Variants in RLN2 observed in about 807,000 individuals in gnomAD.
RLN2 encodes the protein relaxin 2.
A neutral mutation model predicts 7.3 loss-of-function variants in RLN2; 10 were observed. That is an observed-to-expected ratio of 1.36 (90% CI 0.84 to 2.31). RLN2 has a LOEUF of 2.31. Ranked by LOEUF, RLN2 falls within the 30% of genes most tolerant of loss-of-function variation. RLN2 has a pLI of 0.00. For missense variants in RLN2, 298 were observed against 217.6 expected, an observed-to-expected ratio of 1.37 and a Z score of -2.32; for synonymous variants, 103 against 82.3, an observed-to-expected ratio of 1.25 and a Z score of -1.36.
chr9:5,324,366 T>A, the RLN2 span, among the ~76,000 whole-genome samples: 2 of 152,018 alleles, frequency 1.3e-5, no homozygotes, highest in Non-Finnish European at 2.9e-5. Flanking sequence ...GGCTTCAAAT[T>A]GTGGGGTGCA....
At chr9:5,324,793 C>T in the RLN2 span, among the ~76,000 whole-genome samples, 1 of 152,096 alleles carries the variant, frequency 6.6e-6, no homozygotes, top group East Asian at 1.9e-4. Flanking sequence ...GTGTAATAAG[C>T]ATGGAATAAG....
upstream of RLN2, among the ~76,000 whole-genome samples, chr9:5,306,197 T>C (rs1291896885): frequency 3.5e-5 from 5 of 144,480 alleles, no homozygotes; most frequent in Admixed American, 7.0e-5. Context: ...AACCTCCACC[T>C]CCCAGGTTCA....
At chr9:5,308,562 A>G (rs1250560786), upstream of RLN2, among the ~76,000 whole-genome samples, 1 of 152,044 alleles carries the variant, frequency 6.6e-6, no homozygotes, top group Non-Finnish European at 1.5e-5. Flanking sequence ...CATTGCCACA[A>G]TCACATATGG....
At chr9:5,335,977 C>T in the RLN2 span, among the ~76,000 whole-genome samples, 3 of 152,024 alleles carry the variant, frequency 2.0e-5, no homozygotes, top group East Asian at 1.9e-4. Context: ...TTACTTAACT[C>T]GTTTTCTTCC....
In RLN2 at chr9:5,300,197, C is replaced by T. The variant is rs199856885; in HGVS notation, c.459G>A (p.Leu153=). ...SSPSELKYLG[L]DTHSRKKRQL... Reference sequence around the variant, plus strand: ...GTCTCTTTTTTCGAGAATGAGTATCCAAGCCTAAGTATTTTAATTCTGAAG... The same window carrying T: ...GTCTCTTTTTTCGAGAATGAGTATCTAAGCCTAAGTATTTTAATTCTGAAG... The change falls in exon 2 of 2, where the codon TTG becomes TTA. Residue 153 remains leucine, a synonymous_variant. Transcript: ENST00000381627. The T allele has an allele frequency of 8.9e-5, 144 of 1,613,904 alleles. No homozygotes were observed. The East Asian group carries it at 1.6e-3, about 18-fold the overall frequency.
At chr9:5,311,523 G>A in the RLN2 span, 5 of 723,824 alleles carry the variant, frequency 6.9e-6, no homozygotes, top group East Asian at 7.6e-5. Flanking sequence ...AAGATCATGA[G>A]GTTGTCTACT....
At chr9:5,305,920 G>A (rs1816239212), upstream of RLN2, among the ~76,000 whole-genome samples, 1 of 151,914 alleles carries the variant, frequency 6.6e-6, no homozygotes, top group Admixed American at 6.6e-5. Flanking sequence ...ATGGTCAGAT[G>A]CAATCAATGC....
chr9:5,333,823 A>G, the RLN2 span, among the ~76,000 whole-genome samples: 1 of 152,012 alleles, frequency 6.6e-6, no homozygotes, highest in Non-Finnish European at 1.5e-5. Context: ...TATCCACCCC[A>G]ATCAAGACGG....
the RLN2 span, among the ~76,000 whole-genome samples, chr9:5,320,120 G>C: frequency 6.6e-6 from 1 of 151,414 alleles, no homozygotes; most frequent in South Asian, 2.1e-4. Flanking sequence ...CAAGTAGTAA[G>C]GATTACAGGC....
At chr9:5,332,094 T>C in the RLN2 span, among the ~76,000 whole-genome samples, 6 of 151,930 alleles carry the variant, frequency 3.9e-5, no homozygotes, top group Non-Finnish European at 7.4e-5. Flanking sequence ...TATATTGAAA[T>C]AATATTAAGT....
the RLN2 span, among the ~76,000 whole-genome samples, chr9:5,312,520 C>T: frequency 6.6e-6 from 1 of 152,074 alleles, no homozygotes; most frequent in Non-Finnish European, 1.5e-5. Flanking sequence ...TGTCAACCCT[C>T]ACTTTAAACT....
chr9:5,333,312 A>G, the RLN2 span, among the ~76,000 whole-genome samples: 1 of 151,982 alleles, frequency 6.6e-6, no homozygotes, highest in African/African-American at 2.4e-5. Flanking sequence ...GAAGATTCAA[A>G]TAAACACAAT....
chr9:5,319,887 C>T, the RLN2 span, among the ~76,000 whole-genome samples: 1 of 151,782 alleles, frequency 6.6e-6, no homozygotes, highest in Non-Finnish European at 1.5e-5. Flanking sequence ...AATAGAAGAG[C>T]AGGTGAAAGA....
the RLN2 span, among the ~76,000 whole-genome samples, chr9:5,317,439 G>A: frequency 1.1e-3 from 157 of 142,498 alleles, 1 homozygote; most frequent in Middle Eastern, 0.024. Context: ...GCAACAGAGT[G>A]AGACTCTGTC....
the RLN2 span, chr9:5,335,417 T>C: frequency 6.2e-7 from 1 of 1,613,770 alleles, no homozygotes; most frequent in Non-Finnish European, 8.5e-7. Context: ...GCGAATAAGT[T>C]TCTTAAATTC....
the RLN2 span, among the ~76,000 whole-genome samples, chr9:5,326,090 A>C: frequency 1.3e-5 from 2 of 152,148 alleles, no homozygotes; most frequent in African/African-American, 2.4e-5. Flanking sequence ...CATCACATTC[A>C]ATCTAAAATT....
At chr9:5,304,747 G>T, upstream of RLN2, 1 of 672,072 alleles carries the variant, frequency 1.5e-6, no homozygotes, top group Non-Finnish European at 2.6e-6. Context: ...AGCTTTTAAG[G>T]CAAGGGTGCC....
chr9:5,308,789 G>C (rs1291252958), upstream of RLN2, among the ~76,000 whole-genome samples: 2 of 152,082 alleles, frequency 1.3e-5, no homozygotes, highest in Non-Finnish European at 2.9e-5. Flanking sequence ...ACTCAAGAGA[G>C]CCAGACACAG....
At chr9:5,307,269 GAGGATAGATAGATAGATAGATA>G (rs1563737987), upstream of RLN2, among the ~76,000 whole-genome samples, 10 of 40,918 alleles carry the variant, frequency 2.4e-4, no homozygotes, top group African/African-American at 1.1e-3. Context: ...TAGATAGATA[GAGGATAGATAGATAGATAGATA>G]GATAGATAGA....
Sources: allele counts gnomAD v4.1 joint callset (sites outside exome capture counted in the v4.1 genomes callset), GRCh38; gene constraint gnomAD v4.1.1; transcripts MANE v1.5; gene names NCBI Gene and HGNC (gene_info 2026-07-23, HGNC 2026-07-21).